Variants in RTN4 observed in about 807,000 individuals in gnomAD.
RTN4 encodes the protein reticulon-4.
Under a neutral mutation model 90.4 loss-of-function variants are expected in RTN4, and 32 were observed. The observed-to-expected ratio is 0.35, with a 90% CI of 0.27 to 0.48. The LOEUF is 0.48. RTN4 is among the 20% of genes least tolerant of loss of function. The pLI, the probability that RTN4 is intolerant of heterozygous loss-of-function variation, is 0.99. For synonymous variants in RTN4, 629 were observed against 552.5 expected, an observed-to-expected ratio of 1.14 and a Z score of -1.94; for missense variants, 1,706 against 1,430.2, an observed-to-expected ratio of 1.19 and a Z score of -3.11.
In RTN4 at chr2:54,972,923, T is replaced by C. The variant is rs758398745; in HGVS notation, c.*233A>G. The stretch of plus-strand genomic sequence containing the variant: ...GCCTCAGATAGATAGGAAAAAGATA[T>C]GATTACGGTTTAAATCCATACATAG... On this transcript the variant is annotated 3_prime_UTR_variant, in exon 9 of 9. Coordinates refer to ENST00000337526, the MANE Select transcript of RTN4 (RefSeq NM_020532.5). The C allele has an allele frequency of 5.2e-6, 2 of 386,162 alleles. No homozygotes were observed. Among genetic ancestry groups the C allele is most frequent in the East Asian group, 3.7e-5 (1 of 26,826 alleles). The allele number at this position is 386,162 out of a possible 1,614,324, so 23.9% of individuals were successfully genotyped here. A position where few individuals can be genotyped will look rare whatever the true frequency, so the allele number is the denominator to read the frequency against.
intron 1 of RTN4, among the ~76,000 whole-genome samples, chr2:55,043,145 T>G (rs1225576458): frequency 6.6e-6 from 1 of 152,216 alleles, no homozygotes. Context: ...CTGCACTAGC[T>G]ATCCACAAAG....
At chr2:55,071,011 C>T (rs1320607716) in intron 2 of RTN4, among the ~76,000 whole-genome samples, 3 of 150,568 alleles carry the variant, frequency 2.0e-5, no homozygotes, top group Admixed American at 6.7e-5. Flanking sequence ...CTCCTGACCT[C>T]GTGATCTTCC....
intron 3 of RTN4, 117 bp downstream of exon 3, chr2:55,024,969 C>G (rs1340752737): frequency 7.9e-7 from 1 of 1,265,306 alleles, no homozygotes; most frequent in East Asian, 2.4e-5. Flanking sequence ...GAGAAGACTT[C>G]TTACCAATGT....
At chr2:55,115,078 T>A (rs887059402), upstream of RTN4, among the ~76,000 whole-genome samples, 2 of 146,914 alleles carry the variant, frequency 1.4e-5, no homozygotes, top group Non-Finnish European at 2.9e-5. Context: ...ATATTCTTGG[T>A]ATATGGGTTA....
At chr2:55,011,756 A>G (rs1680660606) in intron 3 of RTN4, among the ~76,000 whole-genome samples, 1 of 152,184 alleles carries the variant, frequency 6.6e-6, no homozygotes, top group South Asian at 2.1e-4. Context: ...ATGAGAGGGG[A>G]AAAAGGAAGT....
At chr2:55,088,207 G>T (rs1000093237) in intron 1 of RTN4, among the ~76,000 whole-genome samples, 2 of 152,158 alleles carry the variant, frequency 1.3e-5, no homozygotes, top group African/African-American at 4.8e-5. Flanking sequence ...TGACAGTTTT[G>T]TATCCTTAGG....
chr2:55,134,433 C>A, the RTN4 span, among the ~76,000 whole-genome samples: 1 of 152,060 alleles, frequency 6.6e-6, no homozygotes, highest in African/African-American at 2.4e-5. Context: ...TAATAAGACT[C>A]CCCCAGGTCC....
chr2:55,125,966 C>T, the RTN4 span, among the ~76,000 whole-genome samples: 5 of 145,496 alleles, frequency 3.4e-5, no homozygotes, highest in African/African-American at 7.6e-5. Context: ...GAGGCCGAGG[C>T]GGGAGAATGG....
At chr2:55,059,187 A>G (rs1320462696) in intron 2 of RTN4, among the ~76,000 whole-genome samples, 9 of 152,176 alleles carry the variant, frequency 5.9e-5, no homozygotes, top group Non-Finnish European at 8.8e-5. Flanking sequence ...TTTCATTGTC[A>G]AAGCTCTTTG....
chr2:54,975,431 G>A lies in RTN4; in HGVS notation c.3361-667C>T, dbSNP rs536845790. On this transcript the variant is annotated intron_variant, in intron 5 of 8. Transcript: ENST00000337526. The stretch of plus-strand genomic sequence containing the variant: ...AGCTACAGTGATTATTTAGGCTTAT[G>A]TAACACTATAAATGAAAAGGGGAGT... 6.6e-5 allele frequency among the ~76,000 whole-genome samples: 10 copies of A among 152,300 alleles called. No homozygotes were observed. The East Asian group carries it at 1.5e-3, about 23-fold the overall frequency.
At chr2:55,009,766 A>G (rs1222662810) in intron 3 of RTN4, among the ~76,000 whole-genome samples, 1 of 152,222 alleles carries the variant, frequency 6.6e-6, no homozygotes, top group Admixed American at 6.5e-5. Context: ...AAAAACAGCA[A>G]TGTGTATTTA....
At chr2:55,034,972 C>T (rs899310528) in intron 1 of RTN4, among the ~76,000 whole-genome samples, 1 of 152,026 alleles carries the variant, frequency 6.6e-6, no homozygotes, top group Non-Finnish European at 1.5e-5. Flanking sequence ...CCTAGAACAG[C>T]CTCTTAAAAA....
intron 1 of RTN4, among the ~76,000 whole-genome samples, chr2:55,108,843 A>C (rs773952023): frequency 2.7e-4 from 41 of 152,246 alleles, no homozygotes; most frequent in Middle Eastern, 6.8e-3. Context: ...AAAAAATAGT[A>C]AGACTAAGAA....
chr2:55,067,922 T>A (rs918430757), intron 2 of RTN4, among the ~76,000 whole-genome samples: 2 of 152,242 alleles, frequency 1.3e-5, no homozygotes, highest in Non-Finnish European at 2.9e-5. Context: ...TAGCTATTGC[T>A]GAAACAATAA....
At chr2:55,049,361 G>A (rs576161778) in intron 1 of RTN4, among the ~76,000 whole-genome samples, 2 of 152,256 alleles carry the variant, frequency 1.3e-5, no homozygotes, top group South Asian at 2.1e-4. Flanking sequence ...TGGGTGCCAA[G>A]GCCTTTCCTT....
At chr2:55,131,343 G>C in the RTN4 span, among the ~76,000 whole-genome samples, 1 of 151,938 alleles carries the variant, frequency 6.6e-6, no homozygotes, top group Non-Finnish European at 1.5e-5. Flanking sequence ...TGAGTAGCTG[G>C]GACTACAGGC....
intron 1 of RTN4, 152 bp downstream of exon 1, chr2:55,049,593 G>T: frequency 1.5e-6 from 2 of 1,294,350 alleles, no homozygotes; most frequent in Non-Finnish European, 2.2e-6. Flanking sequence ...TTCTCCCCGC[G>T]CTTCCAACCA....
At chr2:55,027,538 A>C (rs1681998157) in intron 2 of RTN4, 53 bp from the exon 3 acceptor site, 2 of 1,533,388 alleles carry the variant, frequency 1.3e-6, no homozygotes, top group Non-Finnish European at 1.7e-6. Context: ...TCTCAGAGTT[A>C]ATGCAAGTTT....
intron 1 of RTN4, among the ~76,000 whole-genome samples, chr2:55,088,836 G>C (rs1035193794): frequency 6.6e-6 from 1 of 152,214 alleles, no homozygotes; most frequent in African/African-American, 2.4e-5. Context: ...TCATTAATTA[G>C]GAAGGGCTCC....
Sources: allele counts gnomAD v4.1 joint callset (sites outside exome capture counted in the v4.1 genomes callset), GRCh38; gene constraint gnomAD v4.1.1; transcripts MANE v1.5; gene names NCBI Gene and HGNC (gene_info 2026-07-23, HGNC 2026-07-21).